Variants in TM2D2 observed in about 807,000 individuals in gnomAD.
TM2D2 encodes TM2 domain-containing protein 2.
Under a neutral mutation model 23.0 loss-of-function variants are expected in TM2D2, and 19 were observed. That is an observed-to-expected ratio of 0.82 (90% CI 0.58 to 1.21). TM2D2 has a LOEUF of 1.21. Among genes scored for constraint, TM2D2 ranks in the 50% most tolerant of loss-of-function variants. The pLI is 0.00. For missense variants in TM2D2, 246 were observed against 265.4 expected, an observed-to-expected ratio of 0.93 and a Z score of 0.51; for synonymous variants, 120 against 108.8, an observed-to-expected ratio of 1.10 and a Z score of -0.64.
rs2129428435 is a variant in TM2D2 at position 38,990,811 on chromosome 8, T to G, written c.*521A>C. On this transcript the variant is annotated 3_prime_UTR_variant, in exon 4 of 4. Transcript: ENST00000456397. ...AAAATACTCATACAGTACTCCAAGT[T>G]GGTAAAATTTATTCTACATTTAAAT... 1 of 158,286 alleles carries G rather than the reference T, an allele frequency of 6.3e-6. No individual in the cohort carries two copies. Among genetic ancestry groups the G allele is most frequent in the African/African-American group, 2.4e-5 (1 of 41,592 alleles). The allele number at this position is 158,286 out of a possible 1,614,324, so 9.8% of individuals were successfully genotyped here. A position where few individuals can be genotyped will look rare whatever the true frequency, so the allele number is the denominator to read the frequency against.
chr8:38,989,043 C>T lies in TM2D2; in HGVS notation c.*2289G>A, dbSNP rs1455488439. The T allele has an allele frequency of 6.6e-6, 1 of 152,212 alleles. No individual in the cohort carries two copies. Among genetic ancestry groups the T allele is most frequent in the Non-Finnish European group, 1.5e-5 (1 of 68,030 alleles). The allele number at this position is 152,212 out of a possible 1,614,324, so 9.4% of individuals were successfully genotyped here. On this transcript the variant is annotated 3_prime_UTR_variant, in exon 4 of 4. Coordinates refer to ENST00000456397, the MANE Select transcript of TM2D2 (RefSeq NM_078473.3). ...GTACTCCTTTAGTCCATCAGGTTTTCAGGTTGTATCACATTTGGCCAGGTT... is the reference window on the plus strand; with the variant it reads ...GTACTCCTTTAGTCCATCAGGTTTTTAGGTTGTATCACATTTGGCCAGGTT...
At chr8:38,995,868 A>ATTCTCAGTCCTCTT in intron 1 of TM2D2, 1 of 1,059,998 alleles carries the variant, frequency 9.4e-7, no homozygotes, top group South Asian at 2.4e-5. Flanking sequence ...TACTCCATTT[A>ATTCTCAGTCCTCTT]TGCCTTACTC....
At chr8:38,993,359 G>A (rs1421172069) in intron 3 of TM2D2, among the ~76,000 whole-genome samples, 186 bp downstream of exon 3, 1 of 152,198 alleles carries the variant, frequency 6.6e-6, no homozygotes, top group Non-Finnish European at 1.5e-5. Flanking sequence ...GGGAGGCTGA[G>A]GCAGGAGGAT....
rs191439568 is a variant in TM2D2 at position 38,991,146 on chromosome 8, C to T, written c.*186G>A. ...CCACAACACTTTTTGCTTGTCATTC[C>T]GTCTGCAAGGTAAAATCTGGGTTGA... On this transcript the variant is annotated 3_prime_UTR_variant, in exon 4 of 4. Coordinates refer to ENST00000456397, the MANE Select transcript of TM2D2 (RefSeq NM_078473.3). 7.9e-5 allele frequency: 48 copies of T among 607,840 alleles called. No individual in the cohort carries two copies. The East Asian group carries it at 1.0e-3, about 13-fold the overall frequency. 37.7% of individuals were successfully genotyped at this position (607,840 alleles called of 1,614,324 possible).
chr8:38,991,507 G>T lies in TM2D2; in HGVS notation c.470C>A (p.Ser157Tyr). 6.2e-7 allele frequency: 1 copy of T among 1,613,982 alleles called. No individual in the cohort carries two copies. Among genetic ancestry groups the T allele is most frequent in the Non-Finnish European group, 8.5e-7 (1 of 1,179,834 alleles). Residue 157 changes from serine to tyrosine, a missense_variant, in exon 4 of 4, where the codon TCC becomes TAC. Around this residue, in one of 2 missense-constraint regions of TM2D2, gnomAD observed 212 missense variants for 202.2 expected, o/e 1.05. Coordinates refer to ENST00000456397, the MANE Select transcript of TM2D2 (RefSeq NM_078473.3). Reference sequence around the variant, plus strand: ...CACACCAAAACATCCCAGGAAGAAGGAGTAGAGTAAAGTGGTTATGAAGTA... The same window carrying T: ...CACACCAAAACATCCCAGGAAGAAGTAGTAGAGTAAAGTGGTTATGAAGTA... ...GHYFITTLLY[S>Y]FFLGCFGVDR... is the part of the protein sequence containing the mutation.
chr8:38,993,614 CACTGG>C lies in TM2D2; in HGVS notation c.357_361del (p.Gln120ProfsTer7), dbSNP rs1470129352. ...ACACTCAATTCCATCTAAGGCATGGCACTGGACTGAAGTGTGTTCCACGTCGCTGT... is the reference window on the plus strand; with the variant it reads ...ACACTCAATTCCATCTAAGGCATGGCACTGAAGTGTGTTCCACGTCGCTGT... On this transcript the variant is annotated frameshift_variant, in exon 3 of 4. Coordinates refer to ENST00000456397, the MANE Select transcript of TM2D2 (RefSeq NM_078473.3). LOFTEE classifies it high-confidence loss of function. The C allele has an allele frequency of 3.1e-6, 5 of 1,613,876 alleles. No homozygotes were observed. Among genetic ancestry groups the C allele is most frequent in the Non-Finnish European group, 2.5e-6 (3 of 1,179,896 alleles).
chr8:38,996,907 T>C (rs1317984120), upstream of TM2D2: 31 of 1,449,234 alleles, frequency 2.1e-5, no homozygotes, highest in Non-Finnish European at 2.8e-5. Flanking sequence ...GAGGGCTCAG[T>C]TGCGTCAGTG....
chr8:38,993,578 C>T lies in TM2D2; in HGVS notation c.398G>A (p.Arg133Lys). The T allele has an allele frequency of 1.2e-6, 2 of 1,613,868 alleles. No homozygotes were observed. The highest frequency in any genetic ancestry group is 1.1e-5 in the South Asian group (1 of 91,068). The change falls in exon 3 of 4, where the codon AGG becomes AAG. Residue 133 changes from arginine to lysine, a missense_variant. Coordinates refer to ENST00000456397, the MANE Select transcript of TM2D2 (RefSeq NM_078473.3). ...ALDGIECASP[R>K]TFLRENKPCI... ...AGGTTTATTTTCTCGTAGAAAGGTC[C>T]TAGGACTGGCACACTCAATTCCATC... is the stretch of plus-strand genomic sequence containing the variant.
At chr8:38,995,491 G>T in intron 1 of TM2D2, 86 bp from the exon 2 acceptor site, 2 of 1,584,792 alleles carry the variant, frequency 1.3e-6, no homozygotes, top group Non-Finnish European at 1.7e-6. Context: ...ACGGGCAAAA[G>T]ACATTTCTTC....
chr8:38,995,870 G>A, intron 1 of TM2D2: 2 of 1,042,940 alleles, frequency 1.9e-6, no homozygotes, highest in Non-Finnish European at 2.5e-6. Flanking sequence ...CTCCATTTAT[G>A]CCTTACTCAG....
chr8:38,993,693 C>A, intron 2 of TM2D2, 33 bp from the exon 3 acceptor site: 1 of 1,508,216 alleles, frequency 6.6e-7, no homozygotes, highest in Admixed American at 1.7e-5. Context: ...AAAACCAACT[C>A]ACCAGAGCAA....
rs1374509343 is a variant in TM2D2, at chr8:38,990,012, C to G, written c.*1320G>C. 6.6e-6 allele frequency: 1 copy of G among 152,016 alleles called. No individual in the cohort carries two copies. Among genetic ancestry groups the G allele is most frequent in the Non-Finnish European group, 1.5e-5 (1 of 67,996 alleles). The allele number at this position is 152,016 out of a possible 1,614,324, so 9.4% of individuals were successfully genotyped here. On this transcript the variant is annotated 3_prime_UTR_variant, in exon 4 of 4. Transcript: ENST00000456397. ...TAAAGATTATGAATTAAAAGTTTAC[C>G]AATTGTTATGTTATAAGCAAGGTTA...
In TM2D2 at chr8:38,993,627, T is replaced by C. The variant is rs1246359910; in HGVS notation, c.349A>G (p.Thr117Ala). ...GGQAYSDVEH[T>A]SVQCHALDGI... The stretch of plus-strand genomic sequence containing the variant: ...TCTAAGGCATGGCACTGGACTGAAG[T>C]GTGTTCCACGTCGCTGTAGGCCTGA... Residue 117 changes from threonine (T) to alanine (A), a missense_variant, in exon 3 of 4, where the codon ACT (threonine) becomes GCT (alanine). Thr to Ala is a moderately conservative substitution (Grantham distance 58, BLOSUM62 0). This residue lies in a region of TM2D2 where 212 missense variants were observed against 202.2 expected (regional missense o/e 1.05). Coordinates refer to ENST00000456397, the MANE Select transcript of TM2D2 (RefSeq NM_078473.3). The C allele has an allele frequency of 6.2e-7, 1 of 1,613,800 alleles. No individual in the cohort carries two copies. The highest frequency in any genetic ancestry group is 1.3e-5 in the African/African-American group (1 of 74,934).
rs1308659613 is a variant in TM2D2, at chr8:38,990,464, ATC to A, written c.*866_*867del. On this transcript the variant is annotated 3_prime_UTR_variant, in exon 4 of 4. Transcript: ENST00000456397. ...CGGGGAATGCAGAGGTGTGGCTGTT[ATC>A]TCTTTCTGACTGCTGCAGCCCACAG... The A allele has an allele frequency of 2.6e-5, 4 of 152,354 alleles. No individual in the cohort carries two copies. Among genetic ancestry groups the A allele is most frequent in the African/African-American group, 9.6e-5 (4 of 41,582 alleles). 9.4% of individuals were successfully genotyped at this position (152,354 alleles called of 1,614,324 possible). A position where few individuals can be genotyped will look rare whatever the true frequency, so the allele number is the denominator to read the frequency against.
At chr8:38,995,453 A>T (rs752042950) in intron 1 of TM2D2, 48 bp from the exon 2 acceptor site, 4 of 1,601,542 alleles carry the variant, frequency 2.5e-6, no homozygotes, top group East Asian at 4.6e-5. Flanking sequence ...GGTCTTTGCA[A>T]ATCGCTGTTT....
chr8:38,995,195 T>C (rs1262856588), intron 2 of TM2D2, 123 bp downstream of exon 2: 11 of 707,514 alleles, frequency 1.6e-5, no homozygotes, highest in Non-Finnish European at 2.3e-5. Flanking sequence ...AAATTTCCAG[T>C]AACGGTCTTT....
chr8:38,993,556 T>C lies in TM2D2; in HGVS notation c.420A>G (p.Lys140=). ...ASPRTFLREN[K]PCIKYTGHYF... ...AAAGTAACACTTACTTTATACAAGG[T>C]TTATTTTCTCGTAGAAAGGTCCTAG... Residue 140 remains lysine, a synonymous_variant, in exon 3 of 4, where the codon AAA becomes AAG. Coordinates refer to ENST00000456397, the MANE Select transcript of TM2D2 (RefSeq NM_078473.3). 1 of 1,612,318 alleles carries C rather than the reference T, an allele frequency of 6.2e-7. No homozygotes were observed. The highest frequency in any genetic ancestry group is 1.3e-5 in the African/African-American group (1 of 75,012).
upstream of TM2D2, chr8:38,996,533 G>A: frequency 1.3e-6 from 2 of 1,527,226 alleles, no homozygotes; most frequent in Non-Finnish European, 8.8e-7. Context: ...TTTCCGCGTA[G>A]CCCCGCCCGC....
chr8:38,993,169 C>T (rs73674680), intron 3 of TM2D2, among the ~76,000 whole-genome samples: 1 of 152,160 alleles, frequency 6.6e-6, no homozygotes, highest in Non-Finnish European at 1.5e-5. Flanking sequence ...GAGAAAGAGA[C>T]AGTTAGAACT....
Sources: gnomAD v4.1 joint callset for allele counts (sites outside exome capture counted in the v4.1 genomes callset) on GRCh38, gnomAD v4.1.1 for gene constraint, gnomAD v4.1.1 regional missense constraint, MANE v1.5 for transcripts, NCBI Gene and HGNC (gene_info 2026-07-23, HGNC 2026-07-21) for gene names.